DENND2B: variants seen among roughly 807,000 people sequenced by gnomAD.
DENND2B encodes DENN domain containing 2B.
DENND2B carries 32 observed loss-of-function variants against 116.0 expected under a neutral mutation model. That is an observed-to-expected ratio of 0.28 (90% CI 0.21 to 0.37). The LOEUF is 0.37. Among genes scored for constraint, DENND2B ranks in the 10% least tolerant of loss-of-function variants. The probability of loss-of-function intolerance (pLI) is 1.00; values close to 1 mark genes in which losing one functional copy is unlikely to be tolerated. For missense variants in DENND2B, 1,276 were observed against 1,477.7 expected, an observed-to-expected ratio of 0.86 and a Z score of 2.24; for synonymous variants, 588 against 583.9, an observed-to-expected ratio of 1.01 and a Z score of -0.10.
chr11:8,718,418 C>T (rs1199899044), intron 4 of DENND2B: 49 of 1,528,020 alleles, frequency 3.2e-5, no homozygotes, highest in Admixed American at 4.0e-5. Context: ...TCGCCAGGCC[C>T]CCTTCTCACC....
At chr11:8,854,206 T>A (rs2742553) in intron 3 of DENND2B, among the ~76,000 whole-genome samples, 1 of 150,890 alleles carries the variant, frequency 6.6e-6, no homozygotes, top group Non-Finnish European at 1.5e-5. Flanking sequence ...ATTTATGTAT[T>A]TATTTATTTA....
Position 8,712,417 on chromosome 11 carries a change from A to C in DENND2B, c.2172+134T>G. On this transcript the variant is annotated intron_variant, in intron 9 of 19. Coordinates refer to ENST00000313726, the MANE Select transcript of DENND2B (RefSeq NM_213618.2). The surrounding 1 kb of genome is among the most constrained non-coding windows in gnomAD (Gnocchi z 4.4). ...CCTGTCTTCCCTCCTGGCTGAGAGG[A>C]GGCAGGTTCAGGGCTGTGGCAGCTC... The C allele has an allele frequency of 2.0e-6, 2 of 1,003,558 alleles. No homozygotes were observed. Among genetic ancestry groups the C allele is most frequent in the East Asian group, 2.6e-5 (1 of 37,868 alleles). 62.2% of individuals were successfully genotyped at this position (1,003,558 alleles called of 1,614,324 possible). A position where few individuals can be genotyped will look rare whatever the true frequency, so the allele number is the denominator to read the frequency against.
intron 1 of DENND2B, among the ~76,000 whole-genome samples, chr11:8,780,908 T>C (rs1422399974): frequency 3.9e-5 from 6 of 151,900 alleles, no homozygotes; most frequent in Non-Finnish European, 7.4e-5. Flanking sequence ...GAAAAATCAG[T>C]AGGCAGTGGC....
At chr11:8,790,288 G>A (rs1199111867) in intron 1 of DENND2B, among the ~76,000 whole-genome samples, 1 of 152,080 alleles carries the variant, frequency 6.6e-6, no homozygotes, top group Non-Finnish European at 1.5e-5. Context: ...TTTCCTCCCA[G>A]TGAAACATCT....
intron 2 of DENND2B, among the ~76,000 whole-genome samples, chr11:8,741,506 G>T (rs193069794): frequency 6.6e-6 from 1 of 152,306 alleles, no homozygotes; most frequent in African/African-American, 2.4e-5. Context: ...AAGCCAAGAG[G>T]GAGGCAAATC....
intron 4 of DENND2B, among the ~76,000 whole-genome samples, chr11:8,838,267 C>T (rs2062504939): frequency 6.6e-6 from 1 of 152,142 alleles, no homozygotes; most frequent in Non-Finnish European, 1.5e-5. Context: ...CCCACAGAGT[C>T]CTGTCTTCTT....
At chr11:8,839,967 A>G (rs2062569241) in intron 3 of DENND2B, among the ~76,000 whole-genome samples, 1 of 152,120 alleles carries the variant, frequency 6.6e-6, no homozygotes, top group Admixed American at 6.6e-5. Context: ...ACAGTCTATG[A>G]GACAAGGAGT....
At chr11:8,824,669 G>C (rs1404053889) in intron 4 of DENND2B, among the ~76,000 whole-genome samples, 3 of 151,586 alleles carry the variant, frequency 2.0e-5, no homozygotes, top group Admixed American at 1.3e-4. Context: ...ACATGTGCTT[G>C]TATCTTTATA....
rs1264703954 is a variant in DENND2B at position 8,730,769 on chromosome 11, C to G, written c.521G>C (p.Arg174Pro). 3 of 1,609,476 alleles carry G rather than the reference C, an allele frequency of 1.9e-6. No homozygotes were observed. The highest frequency in any genetic ancestry group is 2.5e-6 in the Non-Finnish European group (3 of 1,177,058). Residue 174 changes from arginine to proline, a missense_variant, in exon 3 of 20, where the codon CGC (arginine) becomes CCC (proline). Physicochemically the swap from Arg to Pro is moderately radical, Grantham distance 103. This residue lies in a region of DENND2B where 856 missense variants were observed against 846.6 expected (regional missense o/e 1.01). Transcript: ENST00000313726. This position sits in a 1 kb window ranked among gnomAD's most constrained non-coding sequence, Gnocchi z 4.1. The part of the protein sequence containing the change: ...IREKISAWEG[R>P]REASPRMSMC... The stretch of plus-strand genomic sequence containing the variant: ...GCTCATCCTGGGCGACGCCTCTCGG[C>G]GACCTTCCCATGCTGATATCTTCTC...
At chr11:8,770,912 C>G (rs1448585851) in intron 1 of DENND2B, among the ~76,000 whole-genome samples, 1 of 152,122 alleles carries the variant, frequency 6.6e-6, no homozygotes, top group Non-Finnish European at 1.5e-5. Context: ...GTACGCACAC[C>G]CCACCTTTTC....
chr11:8,810,843 T>TCTCTCTCTCTCTCTCTCTCTCTCTC (rs1555203595), upstream of DENND2B: 4 of 151,910 alleles, frequency 2.6e-5, no homozygotes, highest in African/African-American at 9.8e-5. Flanking sequence ...TCTCTCTCAG[T>TCTCTCTCTCTCTCTCTCTCTCTCTC]TCTGGGAGGC....
intron 1 of DENND2B, among the ~76,000 whole-genome samples, chr11:8,788,893 C>G (rs557946187): frequency 4.6e-5 from 7 of 152,328 alleles, no homozygotes; most frequent in Non-Finnish European, 7.3e-5. Context: ...TAGAGTATAT[C>G]AGCCACCTCT....
chr11:8,808,480 A>G (rs2061078178), intron 1 of DENND2B: 1 of 152,200 alleles, frequency 6.6e-6, no homozygotes, highest in South Asian at 2.1e-4. Context: ...TATGGCAAAC[A>G]TCACTCTTAT....
intron 11 of DENND2B, among the ~76,000 whole-genome samples, chr11:8,708,779 C>T (rs2043070865): frequency 6.6e-6 from 1 of 152,086 alleles, no homozygotes; most frequent in African/African-American, 2.4e-5. Context: ...TGGAGAAACC[C>T]CATCTCCACT....
rs574157436 is a variant in DENND2B at position 8,863,049 on chromosome 11, G to C, written c.-249-5613C>G. On this transcript the variant is annotated intron_variant, in intron 2 of 6. Coordinates refer to the DENND2B transcript ENST00000524757. ...AGCTACTCATGGAGGTTTTAAAAAT[G>C]GTCCATCTTTAAACCTACCATTTTG... is the stretch of plus-strand genomic sequence containing the variant. 3.9e-5 allele frequency among the ~76,000 whole-genome samples: 6 copies of C among 152,036 alleles called. No homozygotes were observed. In the South Asian group the frequency reaches 1.2e-3, roughly 32 times the overall value.
chr11:8,896,556 T>C (rs1246922801), intron 1 of DENND2B, among the ~76,000 whole-genome samples: 2 of 152,190 alleles, frequency 1.3e-5, no homozygotes, highest in Non-Finnish European at 2.9e-5. Flanking sequence ...GTACAGGTAG[T>C]CTCTGACTTA....
At chr11:8,850,932 G>A (rs2062982916) in intron 3 of DENND2B, among the ~76,000 whole-genome samples, 2 of 152,196 alleles carry the variant, frequency 1.3e-5, no homozygotes, top group Admixed American at 6.5e-5. Context: ...GGCACAGAAA[G>A]AGAAACACCA....
chr11:8,857,937 T>G (rs1442906150), intron 2 of DENND2B, among the ~76,000 whole-genome samples: 2 of 152,196 alleles, frequency 1.3e-5, no homozygotes, highest in African/African-American at 2.4e-5. Context: ...TCCTTCAAAG[T>G]CTGCAGGTCC....
At chr11:8,771,819 A>AAG in intron 1 of DENND2B, 1 of 152,178 alleles carries the variant, frequency 6.6e-6, no homozygotes. Flanking sequence ...GTACACACAA[A>AAG]AGAGAGAGAG....
Sources: allele counts gnomAD v4.1 joint callset (sites outside exome capture counted in the v4.1 genomes callset), GRCh38; gene constraint gnomAD v4.1.1; regional missense constraint gnomAD v4.1.1; non-coding constraint Gnocchi (gnomAD v3.1); transcripts MANE v1.5; gene names NCBI Gene and HGNC (gene_info 2026-07-23, HGNC 2026-07-21).